TENM2: variants seen among roughly 807,000 people sequenced by gnomAD.
TENM2 encodes teneurin transmembrane protein 2, also known as teneurin-2.
TENM2 carries 52 observed loss-of-function variants against 245.2 expected under a neutral mutation model. The observed-to-expected ratio is 0.21, with a 90% CI of 0.17 to 0.27. The LOEUF (loss-of-function observed/expected upper bound fraction) is 0.27, where lower values mean the gene tolerates loss of function less well. Among genes scored for constraint, TENM2 ranks in the 10% least tolerant of loss-of-function variants. The pLI is 1.00. For missense variants in TENM2, 3,046 were observed against 3,666.8 expected, an observed-to-expected ratio of 0.83 and a Z score of 4.37; for synonymous variants, 1,363 against 1,438.9, an observed-to-expected ratio of 0.95 and a Z score of 1.19.
At position 167,886,834 on chromosome 5, in the gene TENM2, C is replaced by T. The variant is rs577317116; in HGVS notation, c.712+10639C>T. Reference sequence around the variant, plus strand: ...TTACTTCTCTCAAATATATTTTATTCAACAAGTATGTATTGATCAGGGCCG... The same window carrying T: ...TTACTTCTCTCAAATATATTTTATTTAACAAGTATGTATTGATCAGGGCCG... On this transcript the variant is annotated intron_variant, in intron 3 of 28. Transcript: ENST00000518659. 5.2e-4 allele frequency among the ~76,000 whole-genome samples: 79 copies of T among 152,306 alleles called. 1 individual carries two copies. The highest frequency in any genetic ancestry group is 1.7e-3 in the African/African-American group (72 of 41,576).
intron 25 of TENM2, among the ~76,000 whole-genome samples, chr5:168,241,495 C>T (rs1304098295): frequency 6.6e-6 from 1 of 151,016 alleles, no homozygotes; most frequent in Non-Finnish European, 1.5e-5. Context: ...CTCCTGACCT[C>T]AGGTGATCTG....
Position 167,831,053 on chromosome 5 carries a change from G to C in TENM2, c.503-44933G>C, listed in dbSNP as rs189932097. Among the ~76,000 whole-genome samples the C allele has an allele frequency of 1.6e-3, 244 of 152,182 alleles. 2 individuals carry two copies. The highest frequency in any genetic ancestry group is 5.6e-3 in the African/African-American group (233 of 41,504). On this transcript the variant is annotated intron_variant, in intron 2 of 28. Coordinates refer to ENST00000518659, the Ensembl canonical transcript of TENM2. ...TTTCCTTGTCAATATGTGTACTTCTGTTCTCTCTATGGGAAGTACAGCTCC... is the reference window on the plus strand; with the variant it reads ...TTTCCTTGTCAATATGTGTACTTCTCTTCTCTCTATGGGAAGTACAGCTCC...
intron 12 of TENM2, among the ~76,000 whole-genome samples, chr5:168,149,213 A>C (rs563911100): frequency 8.2e-4 from 125 of 152,242 alleles, no homozygotes; most frequent in Middle Eastern, 3.4e-3. Context: ...GCTGTGACTC[A>C]ATGGTTCTCT....
chr5:167,687,375 GA>G (rs544962919), intron 2 of TENM2, among the ~76,000 whole-genome samples: 3 of 152,146 alleles, frequency 2.0e-5, no homozygotes, highest in Admixed American at 2.0e-4. Context: ...TTTTCTGAAG[GA>G]AAAAAATAGC....
intron 9 of TENM2, among the ~76,000 whole-genome samples, chr5:168,117,775 A>G (rs1462062076): frequency 1.3e-5 from 2 of 152,208 alleles, no homozygotes; most frequent in East Asian, 3.8e-4. Flanking sequence ...CTTATTAGGA[A>G]TAAGAGTCGA....
In TENM2 at chr5:168,198,849, C is replaced by G. The variant is rs775796100; in HGVS notation, c.2901-4C>G. The stretch of plus-strand genomic sequence containing the variant: ...CCTCATCAGCTCATTTACTCCCTCT[C>G]CAGGTTCGACCTGATCGCAAATGGA... On this transcript the variant is annotated splice_polypyrimidine_tract_variant and splice_region_variant and intron_variant, in intron 15 of 28. Coordinates refer to ENST00000518659, the Ensembl canonical transcript of TENM2. 1.9e-5 allele frequency: 31 copies of G among 1,612,290 alleles called. No homozygotes were observed. The highest frequency in any genetic ancestry group is 2.4e-5 in the Non-Finnish European group (28 of 1,178,550).
chr5:167,104,381 G>T, the TENM2 span, among the ~76,000 whole-genome samples: 1 of 152,254 alleles, frequency 6.6e-6, no homozygotes, highest in Non-Finnish European at 1.5e-5. Context: ...GTGTTCCTCA[G>T]AATAAATTAC....
chr5:167,257,009 A>C, the TENM2 span, among the ~76,000 whole-genome samples: 1 of 152,078 alleles, frequency 6.6e-6, no homozygotes, highest in African/African-American at 2.4e-5. Flanking sequence ...AAAAAGTTTC[A>C]GTAAAGATAT....
chr5:167,542,680 G>GT (rs1177741208), intron 2 of TENM2, among the ~76,000 whole-genome samples: 1 of 152,066 alleles, frequency 6.6e-6, no homozygotes, highest in African/African-American at 2.4e-5. Context: ...AGTTTTTGTT[G>GT]TTTTTCCCCC....
At chr5:167,674,385 ATGTT>A (rs1756168550) in intron 2 of TENM2, among the ~76,000 whole-genome samples, 1 of 152,096 alleles carries the variant, frequency 6.6e-6, no homozygotes, top group South Asian at 2.1e-4. Context: ...TGCCCCCAAA[ATGTT>A]TATTCCTGTA....
intron 2 of TENM2, among the ~76,000 whole-genome samples, chr5:167,848,686 G>A (rs918970158): frequency 7.2e-5 from 11 of 152,160 alleles, no homozygotes; most frequent in African/African-American, 2.7e-4. Flanking sequence ...GGTAGTTGTT[G>A]AGACATTGGT....
chr5:167,164,841 C>T, the TENM2 span: 1 of 152,010 alleles, frequency 6.6e-6, no homozygotes, highest in Non-Finnish European at 1.5e-5. Context: ...ATTAGTGTGT[C>T]CTGAATATCT....
intron 3 of TENM2, among the ~76,000 whole-genome samples, chr5:167,896,389 T>G (rs1181360977): frequency 1.3e-5 from 2 of 152,342 alleles, no homozygotes; most frequent in East Asian, 1.9e-4. Flanking sequence ...GGAATCTGGC[T>G]GTGAAGGCCC....
intron 2 of TENM2, among the ~76,000 whole-genome samples, chr5:167,799,806 C>A (rs888085029): frequency 6.6e-6 from 1 of 152,168 alleles, no homozygotes; most frequent in African/African-American, 2.4e-5. Flanking sequence ...TGTCTATCCC[C>A]AGTCTAAATA....
chr5:167,039,682 C>T, the TENM2 span, among the ~76,000 whole-genome samples: 1 of 151,522 alleles, frequency 6.6e-6, no homozygotes, highest in Admixed American at 6.6e-5. Context: ...GCACCTATGA[C>T]ATATGAAGCC....
At chr5:167,637,411 G>A (rs1038466676) in intron 2 of TENM2, among the ~76,000 whole-genome samples, 1 of 152,148 alleles carries the variant, frequency 6.6e-6, no homozygotes. Context: ...ATATGATAAT[G>A]CAAAGTAAGT....
intron 2 of TENM2, among the ~76,000 whole-genome samples, chr5:167,393,125 G>A (rs1229072987): frequency 4.1e-5 from 6 of 148,030 alleles, no homozygotes; most frequent in Non-Finnish European, 8.9e-5. Flanking sequence ...CCATCTCGGG[G>A]GAAAAAAAAG....
At chr5:167,418,136 C>A (rs1763269995) in intron 2 of TENM2, among the ~76,000 whole-genome samples, 1 of 152,018 alleles carries the variant, frequency 6.6e-6, no homozygotes, top group Non-Finnish European at 1.5e-5. Context: ...TCGAGAACAG[C>A]CTGACCAACA....
chr5:167,227,243 A>G, the TENM2 span, among the ~76,000 whole-genome samples: 4 of 151,724 alleles, frequency 2.6e-5, no homozygotes, highest in Admixed American at 2.6e-4. Context: ...TCTTTCATAC[A>G]TTCTTTGTTC....
Sources: allele counts gnomAD v4.1 joint callset (sites outside exome capture counted in the v4.1 genomes callset), GRCh38; gene constraint gnomAD v4.1.1; transcripts MANE v1.5; gene names NCBI Gene and HGNC (gene_info 2026-07-23, HGNC 2026-07-21).